SHROOM3: variants seen among roughly 807,000 people sequenced by gnomAD.
SHROOM3 encodes the protein shroom family member 3.
SHROOM3 carries 47 observed loss-of-function variants against 138.6 expected under a neutral mutation model. The observed-to-expected ratio is 0.34, with a 90% CI of 0.27 to 0.43. The LOEUF is 0.43. Ranked by LOEUF, SHROOM3 falls within the 20% of genes least tolerant of loss-of-function variation. The pLI is 1.00. For synonymous variants in SHROOM3, 1,062 were observed against 1,063.3 expected (o/e 1.00, Z 0.02); for missense variants, 2,491 against 2,596.5 (o/e 0.96, Z 0.88).
At position 76,778,814 on chromosome 4, in the gene SHROOM3, T is replaced by C; in HGVS notation, c.5628T>C (p.Ser1876=). Residue 1876 remains serine, a synonymous_variant, in exon 11 of 11, where the codon TCT becomes TCC. Transcript: ENST00000296043. ...TGTCCAATTTTCCCTGGCAGAGCTCTCTTTACGAGAAAAGGAAGATCCTGG... is the reference window on the plus strand; with the variant it reads ...TGTCCAATTTTCCCTGGCAGAGCTCCCTTTACGAGAAAAGGAAGATCCTGG... The part of the protein sequence containing the change: ...GEDASNEERS[S]LYEKRKILAG... 5 of 1,612,298 alleles carry C rather than the reference T, an allele frequency of 3.1e-6. No homozygotes were observed. The highest frequency in any genetic ancestry group is 3.4e-6 in the Non-Finnish European group (4 of 1,180,038).
At chr4:76,612,131 T>A (rs563292652) in intron 2 of SHROOM3, among the ~76,000 whole-genome samples, 2 of 152,280 alleles carry the variant, frequency 1.3e-5, no homozygotes, top group African/African-American at 4.8e-5. Flanking sequence ...GCCTTTTGAT[T>A]TGGAGGTATA....
chr4:76,453,842 G>A (rs192861196), intron 1 of SHROOM3, among the ~76,000 whole-genome samples: 1 of 152,242 alleles, frequency 6.6e-6, no homozygotes, highest in East Asian at 1.9e-4. Context: ...TTTTTACTCT[G>A]CGGATAGTGT....
At chr4:76,650,050 A>T (rs985685607) in intron 2 of SHROOM3, among the ~76,000 whole-genome samples, 3 of 152,096 alleles carry the variant, frequency 2.0e-5, no homozygotes, top group Non-Finnish European at 2.9e-5. Context: ...TCCTAGGTGG[A>T]TGTGCTTGGA....
chr4:76,569,911 C>T lies in SHROOM3; in HGVS notation c.323+14148C>T, dbSNP rs1008994852. 7.2e-5 allele frequency among the ~76,000 whole-genome samples: 11 copies of T among 152,232 alleles called. No individual in the cohort carries two copies. In the East Asian group the frequency reaches 2.1e-3, roughly 29 times the overall value. On this transcript the variant is annotated intron_variant, in intron 2 of 10. Transcript: ENST00000296043. ...CTCTTCTCTGGCTGGGTGAGGTCAA[C>T]CCCATGAATCTTTCCTGCCTCATTG...
At chr4:76,469,792 A>G (rs1374945716) in intron 1 of SHROOM3, among the ~76,000 whole-genome samples, 1 of 152,104 alleles carries the variant, frequency 6.6e-6, no homozygotes, top group Non-Finnish European at 1.5e-5. Flanking sequence ...GGTGGATGAG[A>G]GGATTGGGGT....
intron 1 of SHROOM3, among the ~76,000 whole-genome samples, chr4:76,549,805 T>A (rs953973735): frequency 6.6e-6 from 1 of 151,942 alleles, no homozygotes; most frequent in Non-Finnish European, 1.5e-5. Flanking sequence ...AATGTGAGGG[T>A]CCTAAGGAAT....
At chr4:76,439,822 G>C (rs1560506522) in intron 1 of SHROOM3, among the ~76,000 whole-genome samples, 1 of 152,108 alleles carries the variant, frequency 6.6e-6, no homozygotes, top group Non-Finnish European at 1.5e-5. Flanking sequence ...TGGCCGTAAA[G>C]GATCTACAAA....
At chr4:76,762,513 C>T (rs1030103888) in intron 9 of SHROOM3, among the ~76,000 whole-genome samples, 3 of 152,186 alleles carry the variant, frequency 2.0e-5, no homozygotes, top group Admixed American at 6.5e-5. Context: ...TTATCTGGCT[C>T]TTCAGGGATA....
chr4:76,576,282 TGTG>T (rs1020683637), intron 2 of SHROOM3, among the ~76,000 whole-genome samples: 30 of 152,138 alleles, frequency 2.0e-4, no homozygotes, highest in African/African-American at 6.8e-4. Context: ...ATAAAGAAAA[TGTG>T]GTACTTACAC....
At chr4:76,582,685 C>T (rs1231800581) in intron 2 of SHROOM3, among the ~76,000 whole-genome samples, 3 of 152,352 alleles carry the variant, frequency 2.0e-5, no homozygotes, top group East Asian at 1.9e-4. Context: ...TATTCAAACA[C>T]TCATCTAGTT....
Position 76,741,794 on chromosome 4 carries a change from G to A in SHROOM3, c.3621G>A (p.Arg1207=), listed in dbSNP as rs780260274. The A allele has an allele frequency of 2.1e-5, 33 of 1,581,440 alleles. 1 individual carries two copies. In the Middle Eastern group the frequency reaches 5.0e-4, roughly 24 times the overall value. Residue 1207 remains arginine (R), a synonymous_variant, in exon 5 of 11, where the codon AGG becomes AGA. Coordinates refer to ENST00000296043, the MANE Select transcript of SHROOM3 (RefSeq NM_020859.4). This position sits in a 1 kb window ranked among gnomAD's most constrained non-coding sequence, Gnocchi z 6.2. The stretch of plus-strand genomic sequence containing the variant: ...CCCAGAGAGGGGATGAGACCCCCAG[G>A]GAGCCATCCTCCTGGGGGGCCAGGG... ...RGTQRGDETP[R]EPSSWGARAG... is the part of the protein sequence containing the mutation.
At chr4:76,667,994 T>C (rs1260793062) in intron 2 of SHROOM3, among the ~76,000 whole-genome samples, 5 of 82,518 alleles carry the variant, frequency 6.1e-5, no homozygotes, top group Non-Finnish European at 9.5e-5. Context: ...AAAAAAAAAG[T>C]TGTTCTGCAG....
intron 1 of SHROOM3, among the ~76,000 whole-genome samples, chr4:76,485,618 A>G (rs568601668): frequency 6.6e-6 from 1 of 152,300 alleles, no homozygotes; most frequent in African/African-American, 2.4e-5. Flanking sequence ...TATTAAAGGC[A>G]GCGCCTTTAC....
intron 2 of SHROOM3, among the ~76,000 whole-genome samples, chr4:76,564,046 A>C (rs1485927574): frequency 6.6e-6 from 1 of 152,064 alleles, no homozygotes; most frequent in East Asian, 1.9e-4. Context: ...TCGTGTCTGA[A>C]ATGTTACCTC....
intron 2 of SHROOM3, among the ~76,000 whole-genome samples, chr4:76,576,554 G>C (rs1733944586): frequency 1.3e-5 from 2 of 152,028 alleles, no homozygotes; most frequent in African/African-American, 2.4e-5. Context: ...CATACAAAAA[G>C]GTAGGATGAC....
At chr4:76,695,449 G>A (rs1446384503) in intron 2 of SHROOM3, among the ~76,000 whole-genome samples, 1 of 152,188 alleles carries the variant, frequency 6.6e-6, no homozygotes, top group Non-Finnish European at 1.5e-5. Flanking sequence ...CCAGAGCACT[G>A]TTACAGTAAG....
intron 1 of SHROOM3, among the ~76,000 whole-genome samples, chr4:76,482,891 A>C (rs1560520002): frequency 6.6e-6 from 1 of 152,068 alleles, no homozygotes; most frequent in African/African-American, 2.4e-5. Flanking sequence ...CAAAAACAAG[A>C]AATGGGGAAA....
At chr4:76,761,853 G>A (rs1162094466) in intron 9 of SHROOM3, among the ~76,000 whole-genome samples, 1 of 152,176 alleles carries the variant, frequency 6.6e-6, no homozygotes, top group Non-Finnish European at 1.5e-5. Flanking sequence ...GAGAGGAAAT[G>A]TCACAGCCAC....
chr4:76,667,966 CAAAAAAAAAAAA>C (rs747974205), intron 2 of SHROOM3, among the ~76,000 whole-genome samples: 1 of 62,554 alleles, frequency 1.6e-5, no homozygotes, highest in Non-Finnish European at 2.9e-5. Context: ...GACTCCCTCT[CAAAAAAAAAAAA>C]AAAAAAAAAA....
Sources: allele counts gnomAD v4.1 joint callset (sites outside exome capture counted in the v4.1 genomes callset), GRCh38; gene constraint gnomAD v4.1.1; non-coding constraint Gnocchi (gnomAD v3.1); transcripts MANE v1.5; gene names NCBI Gene and HGNC (gene_info 2026-07-23, HGNC 2026-07-21).